Variants in NALF2 observed in about 807,000 individuals in gnomAD.
NALF2 encodes the protein bB57D9.1 (TED protein).
A neutral mutation model predicts 24.8 loss-of-function variants in NALF2; 1 was observed. The observed-to-expected ratio is 0.04, with a 90% CI of 0.01 to 0.19. The LOEUF is 0.19. Among genes scored for constraint, NALF2 ranks in the 10% least tolerant of loss-of-function variants. The probability of loss-of-function intolerance (pLI) is 1.00; values close to 1 mark genes in which losing one functional copy is unlikely to be tolerated. For synonymous variants in NALF2, 254 were observed against 189.8 expected (o/e 1.34, Z -2.78); for missense variants, 458 against 409.6 (o/e 1.12, Z -1.02).
At position 69,505,822 on chromosome X, in the gene NALF2, C is replaced by T. The variant is rs1197695126; in HGVS notation, c.540C>T (p.Pro180=). Reference sequence around the variant, plus strand: ...TTTCCCGTGCCCCGGCCGAGTTCCCCTCCGCCAAAAAAAACTTGCTCAAAG... The same window carrying T: ...TTTCCCGTGCCCCGGCCGAGTTCCCTTCCGCCAAAAAAAACTTGCTCAAAG... ...DSLSRAPAEF[P]SAKKNLLKGH... The change falls in exon 1 of 3, where the codon CCC becomes CCT. Residue 180 remains proline, a synonymous_variant. Transcript: ENST00000252338. The T allele has an allele frequency of 8.3e-7, 1 of 1,211,371 alleles. No individual in the cohort carries two copies.
Position 69,528,993 on chromosome X carries a change from G to C in NALF2, c.862G>C (p.Ala288Pro). 8.3e-7 allele frequency: 1 copy of C among 1,205,140 alleles called. No individual in the cohort carries two copies. Among genetic ancestry groups the C allele is most frequent in the Non-Finnish European group, 1.1e-6 (1 of 891,949 alleles). The change falls in exon 2 of 3, where the codon GCT becomes CCT. Residue 288 changes from alanine to proline, a missense_variant and splice_region_variant. Physicochemically the swap from Ala to Pro is conservative, Grantham distance 27. Coordinates refer to ENST00000252338, the MANE Select transcript of NALF2 (RefSeq NM_015686.3). ...SIRSCTKGCKAVYKAWLCSEY... is the reference protein window; with the variant it reads ...SIRSCTKGCKPVYKAWLCSEY... Reference sequence around the variant, plus strand: ...CTGATGCTCTTTCCTCTCCCCACAGGCTGTCTACAAGGCCTGGCTGTGCTC... The same window carrying C: ...CTGATGCTCTTTCCTCTCCCCACAGCCTGTCTACAAGGCCTGGCTGTGCTC...
chrX:69,526,478 T>A (rs888808999), intron 1 of NALF2, among the ~76,000 whole-genome samples: 2 of 112,373 alleles, frequency 1.8e-5, no homozygotes, highest in African/African-American at 6.5e-5. Flanking sequence ...CTCATTTACT[T>A]GTCCTGTTCA....
Position 69,505,997 on chromosome X carries a change from G to C in NALF2, c.715G>C (p.Ala239Pro). ...LAVVASPGSG[A>P]WEACSNCIEA... The stretch of plus-strand genomic sequence containing the variant: ...CGTGGTGGCCAGCCCGGGCTCCGGG[G>C]CCTGGGAGGCGTGTAGCAACTGTAT... Residue 239 changes from alanine (A) to proline (P), a missense_variant, in exon 1 of 3, where the codon GCC becomes CCC. Physicochemically the swap from Ala to Pro is conservative, Grantham distance 27. Transcript: ENST00000252338. The C allele has an allele frequency of 8.3e-7, 1 of 1,211,584 alleles. No homozygotes were observed. The highest frequency in any genetic ancestry group is 1.1e-6 in the Non-Finnish European group (1 of 895,370).
At chrX:69,513,918 C>T (rs1383600346) in intron 1 of NALF2, among the ~76,000 whole-genome samples, 1 of 111,636 alleles carries the variant, frequency 9.0e-6, no homozygotes, top group African/African-American at 3.3e-5. Context: ...CCCAGCCGGG[C>T]GCGGTGGCTC....
In NALF2 at chrX:69,505,295, G is replaced by A; in HGVS notation, c.13G>A (p.Ala5Thr). Residue 5 changes from alanine to threonine, a missense_variant, in exon 1 of 3, where the codon GCT (alanine) becomes ACT (threonine). Transcript: ENST00000252338. The part of the protein sequence containing the change: MFRG[A>T]WMWPGKDAAA... ...ACCCCCCTGAAATATGTTCAGGGGC[G>A]CTTGGATGTGGCCCGGGAAAGACGC... The A allele has an allele frequency of 8.7e-7, 1 of 1,154,544 alleles. No individual in the cohort carries two copies. The highest frequency in any genetic ancestry group is 1.2e-6 in the Non-Finnish European group (1 of 867,266).
chrX:69,509,905 C>T (rs1352999140), intron 1 of NALF2, among the ~76,000 whole-genome samples: 1 of 112,369 alleles, frequency 8.9e-6, no homozygotes, highest in African/African-American at 3.2e-5. Flanking sequence ...CTCTCTGAGC[C>T]TCACTTTTCT....
intron 1 of NALF2, among the ~76,000 whole-genome samples, chrX:69,512,900 A>G (rs923103201): frequency 8.9e-6 from 1 of 111,879 alleles, no homozygotes; most frequent in African/African-American, 3.2e-5. Flanking sequence ...AACAGAGCCT[A>G]TTGGTAGCTT....
chrX:69,516,894 A>G (rs991103049), intron 1 of NALF2, among the ~76,000 whole-genome samples: 13 of 111,898 alleles, frequency 1.2e-4, no homozygotes, highest in African/African-American at 4.2e-4. Flanking sequence ...TCCAAATGCT[A>G]TTCCCCCACA....
chrX:69,519,853 C>T (rs754872292), intron 1 of NALF2, among the ~76,000 whole-genome samples: 1 of 112,395 alleles, frequency 8.9e-6, no homozygotes, highest in Non-Finnish European at 1.9e-5. Flanking sequence ...CAATTTTCTA[C>T]AGGCTGGTTT....
intron 1 of NALF2, among the ~76,000 whole-genome samples, chrX:69,526,540 A>T (rs748233907): frequency 8.9e-6 from 1 of 112,499 alleles, no homozygotes; most frequent in East Asian, 2.8e-4. Context: ...TACAACAGTT[A>T]ATAAAGCAAA....
intron 1 of NALF2, among the ~76,000 whole-genome samples, chrX:69,518,731 G>A (rs1376341647): frequency 1.8e-5 from 2 of 110,829 alleles, no homozygotes; most frequent in Non-Finnish European, 3.8e-5. Flanking sequence ...AGATCTCAAT[G>A]CTTATCATTA....
intron 1 of NALF2, among the ~76,000 whole-genome samples, chrX:69,517,823 C>T (rs1930683581): frequency 8.9e-6 from 1 of 112,725 alleles, no homozygotes; most frequent in Non-Finnish European, 1.9e-5. Flanking sequence ...TGACAGTCAT[C>T]TTTGATCACA....
In NALF2 at chrX:69,522,847, G is replaced by A. The variant is rs377743875; in HGVS notation, c.862-6146G>A. Among the ~76,000 whole-genome samples, 9 of 112,527 alleles carry A rather than the reference G, an allele frequency of 8.0e-5. No homozygotes were observed. In the East Asian group the frequency reaches 8.4e-4, roughly 11 times the overall value. On this transcript the variant is annotated intron_variant, in intron 1 of 2. Transcript: ENST00000252338. ...TGTGCTGATGGATGCAGTACAAAGA[G>A]GCATCAGGTTAGCAGTCAGGTTGCC...
At chrX:69,509,169 G>A (rs746233218) in intron 1 of NALF2, among the ~76,000 whole-genome samples, 2 of 111,577 alleles carry the variant, frequency 1.8e-5, no homozygotes, top group East Asian at 2.8e-4. Flanking sequence ...TAGGTAGGCC[G>A]ATGCCCTTCC....
chrX:69,519,224 TC>T (rs1930702011), intron 1 of NALF2, among the ~76,000 whole-genome samples: 1 of 112,029 alleles, frequency 8.9e-6, no homozygotes, highest in Non-Finnish European at 1.9e-5. Context: ...ACAAACACTT[TC>T]ATAACCCATT....
rs780538639 is a variant in NALF2 at position 69,514,661 on chromosome X, A to G, written c.861+8518A>G. 5.4e-5 allele frequency among the ~76,000 whole-genome samples: 6 copies of G among 111,934 alleles called. No homozygotes were observed. The South Asian group carries it at 2.3e-3, about 42-fold the overall frequency. On this transcript the variant is annotated intron_variant, in intron 1 of 2. Coordinates refer to ENST00000252338, the MANE Select transcript of NALF2 (RefSeq NM_015686.3). ...TGGAACTGCCATCCTGTTTTCCACAATGGCTGAACCATTTTACATTATATT... is the reference window on the plus strand; with the variant it reads ...TGGAACTGCCATCCTGTTTTCCACAGTGGCTGAACCATTTTACATTATATT...
At position 69,530,901 on chromosome X, in the gene NALF2, C is replaced by A. The variant is rs41305413; in HGVS notation, c.*945C>A. ...AAGGTGCACATACTCCCAAGGGCCACTCTTGCCCTGGAGATCTTGGCCTTG... is the reference window on the plus strand; with the variant it reads ...AAGGTGCACATACTCCCAAGGGCCAATCTTGCCCTGGAGATCTTGGCCTTG... On this transcript the variant is annotated 3_prime_UTR_variant, in exon 3 of 3. Transcript: ENST00000252338. 1,633 of 113,205 alleles carry A rather than the reference C, an allele frequency of 0.014. 12 individuals are homozygous for A. The highest frequency in any genetic ancestry group is 0.023 in the Non-Finnish European group (1,219 of 53,295). 9.3% of individuals were successfully genotyped at this position (113,205 alleles called of 1,213,427 possible).
Position 69,530,138 on chromosome X carries a change from G to T in NALF2, c.*182G>T. The T allele has an allele frequency of 7.4e-6, 3 of 406,406 alleles. No individual in the cohort carries two copies. Among genetic ancestry groups the T allele is most frequent in the Non-Finnish European group, 1.3e-5 (3 of 238,565 alleles). 33.5% of individuals were successfully genotyped at this position (406,406 alleles called of 1,213,427 possible). ...AAGCAGCTCCAACAGAATGGCCAGA[G>T]GGCCTCAGGGAGCTGCAAAACTCAT... On this transcript the variant is annotated 3_prime_UTR_variant, in exon 3 of 3. Coordinates refer to ENST00000252338, the MANE Select transcript of NALF2 (RefSeq NM_015686.3).
intron 1 of NALF2, among the ~76,000 whole-genome samples, chrX:69,513,134 G>T (rs996129581): frequency 3.6e-5 from 4 of 111,779 alleles, no homozygotes; most frequent in Non-Finnish European, 5.6e-5. Flanking sequence ...GCCCCAATCT[G>T]CTGGAGGGAT....
Sources: allele counts gnomAD v4.1 joint callset (sites outside exome capture counted in the v4.1 genomes callset), GRCh38; gene constraint gnomAD v4.1.1; transcripts MANE v1.5; gene names NCBI Gene and HGNC (gene_info 2026-07-23, HGNC 2026-07-21).